The following ZNF385D variants were observed in gnomAD, a reference collection of about 807,000 sequenced individuals.
The protein encoded by ZNF385D is zinc finger protein 659.
A neutral mutation model predicts 35.8 loss-of-function variants in ZNF385D; 15 were observed. The ratio of observed to expected loss-of-function variants is 0.42; its 90% CI spans 0.28 to 0.64. ZNF385D has a LOEUF of 0.64. Ranked by LOEUF, ZNF385D falls within the 30% of genes least tolerant of loss-of-function variation. The pLI, the probability that ZNF385D is intolerant of heterozygous loss-of-function variation, is 0.23. For missense variants in ZNF385D, 474 were observed against 494.6 expected (o/e 0.96, Z 0.39); for synonymous variants, 212 against 186.8 (o/e 1.13, Z -1.10).
rs1410357427 is a variant in ZNF385D at position 21,423,566 on chromosome 3, T to C, written c.954+397A>G. ...ATACTTAGCAATATAAAAAGCTTAT[T>C]TGCAGTCATGGGGAGAGGAAATTCC... On this transcript the variant is annotated intron_variant, in intron 7 of 7. Transcript: ENST00000281523. 2.0e-5 allele frequency among the ~76,000 whole-genome samples: 3 copies of C among 152,228 alleles called. No individual in the cohort carries two copies. In the East Asian group the frequency reaches 5.8e-4, roughly 29 times the overall value.
intron 2 of ZNF385D, among the ~76,000 whole-genome samples, chr3:22,194,810 TTA>T (rs1696298391): frequency 6.6e-6 from 1 of 151,896 alleles, no homozygotes; most frequent in African/African-American, 2.4e-5. Context: ...TACTTCCAAA[TTA>T]TGTGTATTAA....
chr3:22,126,054 A>G (rs1427758209), intron 3 of ZNF385D, among the ~76,000 whole-genome samples: 1 of 152,030 alleles, frequency 6.6e-6, no homozygotes, highest in Non-Finnish European at 1.5e-5. Context: ...TGAGTATGTA[A>G]TATATGCCTT....
intron 3 of ZNF385D, among the ~76,000 whole-genome samples, chr3:21,946,600 G>C (rs941355475): frequency 2.0e-5 from 3 of 152,114 alleles, no homozygotes; most frequent in African/African-American, 4.8e-5. Context: ...GGGAGGCTGA[G>C]GCAAGTGGAT....
chr3:22,180,312 A>G (rs1695150482), intron 2 of ZNF385D, among the ~76,000 whole-genome samples: 2 of 152,246 alleles, frequency 1.3e-5, no homozygotes, highest in Non-Finnish European at 2.9e-5. Context: ...CTAACCAAAC[A>G]TGTACAGGAC....
At chr3:21,826,495 G>A (rs1003073836) in intron 3 of ZNF385D, among the ~76,000 whole-genome samples, 1 of 152,130 alleles carries the variant, frequency 6.6e-6, no homozygotes, top group African/African-American at 2.4e-5. Context: ...TCTAAACAAT[G>A]GCAAGGGGTG....
At chr3:22,323,902 C>T (rs1204263760) in intron 2 of ZNF385D, among the ~76,000 whole-genome samples, 3 of 152,102 alleles carry the variant, frequency 2.0e-5, no homozygotes, top group Non-Finnish European at 4.4e-5. Flanking sequence ...AGCTGAAATA[C>T]CCAAATTTGT....
At chr3:21,928,291 A>T (rs1271755770) in intron 3 of ZNF385D, among the ~76,000 whole-genome samples, 4 of 139,490 alleles carry the variant, frequency 2.9e-5, no homozygotes, top group Non-Finnish European at 6.3e-5. Context: ...GGAAGGAAGG[A>T]AGGAGGGAGG....
intron 4 of ZNF385D, among the ~76,000 whole-genome samples, chr3:21,471,756 G>A (rs1193894543): frequency 6.6e-6 from 1 of 151,960 alleles, no homozygotes; most frequent in Non-Finnish European, 1.5e-5. Context: ...GATACATTTG[G>A]GAAAAATTAT....
chr3:22,246,981 T>A (rs552268688), intron 2 of ZNF385D, among the ~76,000 whole-genome samples: 1 of 151,908 alleles, frequency 6.6e-6, no homozygotes, highest in Non-Finnish European at 1.5e-5. Flanking sequence ...TATAGATACA[T>A]TCATTTAAAT....
At chr3:22,106,572 T>C (rs779178) in intron 3 of ZNF385D, among the ~76,000 whole-genome samples, 18,830 of 152,128 alleles carry the variant, frequency 0.12, 1,465 homozygotes, top group Middle Eastern at 0.22. Context: ...CCCTTATTAG[T>C]CAGCTTGAGT....
At chr3:21,723,038 C>T (rs1430271640) in intron 1 of ZNF385D, among the ~76,000 whole-genome samples, 3 of 152,118 alleles carry the variant, frequency 2.0e-5, no homozygotes, top group African/African-American at 7.2e-5. Context: ...GCTGAGCCTG[C>T]TCATGTTAGG....
intron 3 of ZNF385D, among the ~76,000 whole-genome samples, chr3:21,983,986 T>C (rs1694661376): frequency 7.3e-6 from 1 of 137,232 alleles, no homozygotes; most frequent in Non-Finnish European, 1.5e-5. Context: ...TCTGTTCATG[T>C]CCTTCGCCCA....
chr3:21,699,564 C>T (rs1443822297), intron 1 of ZNF385D, among the ~76,000 whole-genome samples: 1 of 151,868 alleles, frequency 6.6e-6, no homozygotes, highest in Non-Finnish European at 1.5e-5. Flanking sequence ...ATGCATTCTA[C>T]ATGTAAACAG....
intron 3 of ZNF385D, among the ~76,000 whole-genome samples, chr3:21,805,906 T>A (rs1053323247): frequency 2.0e-5 from 3 of 152,156 alleles, no homozygotes; most frequent in African/African-American, 7.2e-5. Context: ...CTGCTTCATG[T>A]CCCTTCTACT....
chr3:22,228,628 G>A (rs911462604), intron 2 of ZNF385D, among the ~76,000 whole-genome samples: 13 of 152,308 alleles, frequency 8.5e-5, no homozygotes, highest in African/African-American at 1.9e-4. Flanking sequence ...GTGTCAACTC[G>A]ATTGGTTTGA....
intron 3 of ZNF385D, among the ~76,000 whole-genome samples, chr3:22,148,553 T>A (rs955867422): frequency 1.4e-4 from 21 of 152,176 alleles, no homozygotes; most frequent in Non-Finnish European, 4.4e-5. Context: ...AATCTGTGTA[T>A]ATGAGTAAAC....
chr3:21,754,220 G>C (rs1314179716), upstream of ZNF385D, among the ~76,000 whole-genome samples: 1 of 151,970 alleles, frequency 6.6e-6, no homozygotes, highest in South Asian at 2.1e-4. Context: ...GCTGATCTTG[G>C]CTAGATAGAG....
intron 4 of ZNF385D, among the ~76,000 whole-genome samples, chr3:21,504,889 T>C (rs185718296): frequency 1.8e-3 from 274 of 152,240 alleles, no homozygotes; most frequent in Admixed American, 6.7e-3. Context: ...AGAGTATAAC[T>C]GGAGAGTAAA....
At chr3:22,228,363 C>G (rs1024276077) in intron 2 of ZNF385D, among the ~76,000 whole-genome samples, 27 of 152,054 alleles carry the variant, frequency 1.8e-4, no homozygotes, top group African/African-American at 6.0e-4. Context: ...TCACTGGTCC[C>G]CCTACCAACC....
Sources: allele counts gnomAD v4.1 joint callset (sites outside exome capture counted in the v4.1 genomes callset), GRCh38; gene constraint gnomAD v4.1.1; transcripts MANE v1.5; gene names NCBI Gene and HGNC (gene_info 2026-07-23, HGNC 2026-07-21).